The following ATP13A1 variants were observed in gnomAD, a reference collection of about 807,000 sequenced individuals.
ATP13A1 encodes the protein endoplasmic reticulum transmembrane helix translocase.
ATP13A1 carries 55 observed loss-of-function variants against 134.8 expected under a neutral mutation model. That is an observed-to-expected ratio of 0.41 (90% CI 0.33 to 0.51). The LOEUF (loss-of-function observed/expected upper bound fraction) is 0.51. ATP13A1 is among the 20% of genes least tolerant of loss of function. The probability of loss-of-function intolerance (pLI) is 0.29; values close to 1 mark genes in which losing one functional copy is unlikely to be tolerated. For synonymous variants in ATP13A1, 775 were observed against 725.1 expected (o/e 1.07, Z -1.10); for missense variants, 1,389 against 1,652.8 (o/e 0.84, Z 2.77).
intron 4 of ATP13A1, 76 bp from the exon 5 acceptor site, chr19:19,657,225 T>TA: frequency 6.1e-6 from 9 of 1,485,692 alleles, no homozygotes; most frequent in Non-Finnish European, 8.1e-6. Flanking sequence ...CCGGATCTGA[T>TA]ATGTGAGGGT....
rs1229983692 is a variant in ATP13A1 at position 19,656,681 on chromosome 19, C to T, written c.1062G>A (p.Gly354=). The stretch of plus-strand genomic sequence containing the variant: ...GTACCTTCATCTGTGGCACGGACTC[C>T]CCCGTGAGCATGGCCTCGTCTACGA... ...RCIVDEAMLT[G]ESVPQMKEPI... is the part of the protein sequence containing the mutation. The change falls in exon 7 of 26, where the codon GGG becomes GGA. Residue 354 remains glycine, a synonymous_variant. Coordinates refer to ENST00000357324, the MANE Select transcript of ATP13A1 (RefSeq NM_020410.3). The surrounding 1 kb of genome is among the most constrained non-coding windows in gnomAD (Gnocchi z 4.6). The T allele has an allele frequency of 3.7e-6, 6 of 1,613,712 alleles. No individual in the cohort carries two copies. Among genetic ancestry groups the T allele is most frequent in the South Asian group, 3.3e-5 (3 of 91,052 alleles).
intron 23 of ATP13A1, 41 bp from the exon 24 acceptor site, chr19:19,646,026 C>A: frequency 6.2e-7 from 1 of 1,605,278 alleles, no homozygotes. Context: ...TCTCCTGCTC[C>A]GGCTCACACA....
intron 1 of ATP13A1, chr19:19,663,061 A>C: frequency 2.6e-6 from 2 of 772,450 alleles, no homozygotes; most frequent in Non-Finnish European, 4.6e-6. Context: ...AGGACTTCAG[A>C]AAAAGGAAAT....
chr19:19,647,831 A>G lies in ATP13A1; in HGVS notation c.2633-72T>C. The G allele has an allele frequency of 6.7e-7, 1 of 1,496,250 alleles. No individual in the cohort carries two copies. The highest frequency in any genetic ancestry group is 1.4e-5 in the African/African-American group (1 of 72,614). 92.7% of individuals were successfully genotyped at this position (1,496,250 alleles called of 1,614,324 possible). ...GGGGAAGATTGCTGGCTTCAGAGCCACTGGTCCTGAAGTCCCCCAGCTGGC... is the reference window on the plus strand; with the variant it reads ...GGGGAAGATTGCTGGCTTCAGAGCCGCTGGTCCTGAAGTCCCCCAGCTGGC... On this transcript the variant is annotated intron_variant, in intron 19 of 25. Transcript: ENST00000357324. This position sits in a 1 kb window ranked among gnomAD's most constrained non-coding sequence, Gnocchi z 4.8.
At position 19,647,172 on chromosome 19, in the gene ATP13A1, C is replaced by T. The variant is rs1383411609; in HGVS notation, c.3062G>A (p.Gly1021Glu). The T allele has an allele frequency of 6.2e-7, 1 of 1,613,736 alleles. No homozygotes were observed. The highest frequency in any genetic ancestry group is 8.5e-7 in the Non-Finnish European group (1 of 1,179,750). Residue 1021 changes from glycine to glutamate, a missense_variant, in exon 22 of 26, where the codon GGG (glycine) becomes GAG (glutamate). This residue lies in a region of ATP13A1 where 228 missense variants were observed against 321.0 expected (regional missense o/e 0.71). Transcript: ENST00000357324. The surrounding 1 kb of genome is among the most constrained non-coding windows in gnomAD (Gnocchi z 4.8). ...KFSDFQATLQ[G>E]LLLAGCFLFI... ...GAGGAAGCAGCCGGCCAGCAGCAGC[C>T]CCTGTAGGGTGGCCTGGAAGTCACT... is the stretch of plus-strand genomic sequence containing the variant.
chr19:19,646,600 A>G, intron 22 of ATP13A1: 1 of 547,988 alleles, frequency 1.8e-6, no homozygotes, highest in Non-Finnish European at 3.3e-6. Context: ...CCTGAGAATC[A>G]TGAAGCAGAT....
rs952959332 is a variant in ATP13A1, at chr19:19,656,320, C to G, written c.1084-137G>C. On this transcript the variant is annotated intron_variant, in intron 7 of 25. Coordinates refer to ENST00000357324, the MANE Select transcript of ATP13A1 (RefSeq NM_020410.3). This position sits in a 1 kb window ranked among gnomAD's most constrained non-coding sequence, Gnocchi z 4.6. ...CCGACCAATACATCCCACCCAGCTCCCAGATCCTCACCCTCACCCCGTCCT... is the reference window on the plus strand; with the variant it reads ...CCGACCAATACATCCCACCCAGCTCGCAGATCCTCACCCTCACCCCGTCCT... 1 of 1,239,328 alleles carries G rather than the reference C, an allele frequency of 8.1e-7. No homozygotes were observed. The highest frequency in any genetic ancestry group is 1.1e-6 in the Non-Finnish European group (1 of 900,276). 76.8% of individuals were successfully genotyped at this position (1,239,328 alleles called of 1,614,324 possible).
rs758748583 is a variant in ATP13A1 at position 19,655,259 on chromosome 19, CA to C, written c.1535-21del. 2.5e-6 allele frequency: 4 copies of C among 1,613,930 alleles called. No homozygotes were observed. In the South Asian group the frequency reaches 3.3e-5, roughly 13 times the overall value. On this transcript the variant is annotated intron_variant, in intron 11 of 25. Transcript: ENST00000357324. The surrounding 1 kb of genome is among the most constrained non-coding windows in gnomAD (Gnocchi z 5.7). ...ACATGTCTAGGGGCGGGAGTGAGGT[CA>C]GGGGTCCTGCTTGGCCCCAGCCCAC...
chr19:19,646,873 C>T (rs867616), intron 22 of ATP13A1: 83,906 of 534,738 alleles, frequency 0.16, 7,541 homozygotes, highest in Middle Eastern at 0.3. Context: ...TTGTTCCTTG[C>T]TTGTGGGGCT....
In ATP13A1 at chr19:19,649,569, A is replaced by G; in HGVS notation, c.2630T>C (p.Val877Ala). ...NDVGALKHADVGVALLANAPE... is the reference protein window; with the variant it reads ...NDVGALKHADAGVALLANAPE... Reference sequence around the variant, plus strand: ...ATACCCTAGCCCACAGCACTCACCCACGTCAGCATGCTTCAGGGCGCCCAC... The same window carrying G: ...ATACCCTAGCCCACAGCACTCACCCGCGTCAGCATGCTTCAGGGCGCCCAC... Residue 877 changes from valine (V) to alanine (A), a missense_variant and splice_region_variant, in exon 19 of 26, where the codon GTG becomes GCG. This residue lies in a region of ATP13A1 where 747 missense variants were observed against 956.1 expected (regional missense o/e 0.78). Coordinates refer to ENST00000357324, the MANE Select transcript of ATP13A1 (RefSeq NM_020410.3). 1 of 1,613,286 alleles carries G rather than the reference A, an allele frequency of 6.2e-7. No individual in the cohort carries two copies. Among genetic ancestry groups the G allele is most frequent in the Non-Finnish European group, 8.5e-7 (1 of 1,179,600 alleles).
Position 19,663,486 on chromosome 19 carries a change from G to C in ATP13A1, c.181C>G (p.Leu61Val). The C allele has an allele frequency of 6.5e-7, 1 of 1,535,146 alleles. No individual in the cohort carries two copies. The highest frequency in any genetic ancestry group is 1.2e-5 in the South Asian group (1 of 83,982). ...GGCAGCACCGTGAGGCGCCGCAACA[G>C]CGCCAACCGCCGGTACGGCCACACG... is the stretch of plus-strand genomic sequence containing the variant. ...AAVWPYRRLA[L>V]LRRLTVLPFA... The change falls in exon 1 of 26, where the codon CTG (leucine) becomes GTG (valine). Residue 61 changes from leucine (L) to valine (V), a missense_variant. Leu to Val is a conservative substitution (Grantham distance 32). Transcript: ENST00000357324.
intron 22 of ATP13A1, chr19:19,646,571 C>T: frequency 1.7e-6 from 1 of 591,060 alleles, no homozygotes; most frequent in Non-Finnish European, 3.0e-6. Context: ...ATCCAGGCTC[C>T]CCATGGCAGC....
At position 19,647,430 on chromosome 19, in the gene ATP13A1, G is replaced by A. The variant is rs2061993352; in HGVS notation, c.2892C>T (p.Leu964=). 5.6e-6 allele frequency: 9 copies of A among 1,613,326 alleles called. No homozygotes were observed. The highest frequency in any genetic ancestry group is 1.6e-4 in the Middle Eastern group (1 of 6,080). ...GCAACTCACTGCACTGGATGGATGA[G>A]AGCTTGGAGGTGAAGGGTGCTGCGA... is the stretch of plus-strand genomic sequence containing the variant. ...ASIAAPFTSK[L]SSIQCICHVI... The change falls in exon 21 of 26, where the codon CTC becomes CTT. Residue 964 remains leucine, a synonymous_variant. Transcript: ENST00000357324. This position sits in a 1 kb window ranked among gnomAD's most constrained non-coding sequence, Gnocchi z 4.8.
intron 13 of ATP13A1, 146 bp downstream of exon 13, chr19:19,654,397 A>G: frequency 1.8e-6 from 2 of 1,128,504 alleles, no homozygotes; most frequent in Non-Finnish European, 2.4e-6. Context: ...CTGGGTCTAA[A>G]GTGAGCCTCT....
At position 19,657,020 on chromosome 19, in the gene ATP13A1, T is replaced by C. The variant is rs764518258; in HGVS notation, c.880A>G (p.Met294Val). 15 of 1,581,998 alleles carry C rather than the reference T, an allele frequency of 9.5e-6. No individual in the cohort carries two copies. Among genetic ancestry groups the C allele is most frequent in the Non-Finnish European group, 1.3e-5 (15 of 1,163,958 alleles). ...QMRNMSEIRK[M>V]GNKPHMIQVY... ...TGGATCATGTGGGGCTTGTTGCCCA[T>C]CTTCCGGATCTCCGACATGTTCCGC... The change falls in exon 5 of 26, where the codon ATG becomes GTG. Residue 294 changes from methionine to valine, a missense_variant. Transcript: ENST00000357324.
Position 19,656,319 on chromosome 19 carries a change from C to T in ATP13A1, c.1084-136G>A, listed in dbSNP as rs1027305857. The stretch of plus-strand genomic sequence containing the variant: ...CCCGACCAATACATCCCACCCAGCT[C>T]CCAGATCCTCACCCTCACCCCGTCC... On this transcript the variant is annotated intron_variant, in intron 7 of 25. Transcript: ENST00000357324. This position sits in a 1 kb window ranked among gnomAD's most constrained non-coding sequence, Gnocchi z 4.6. 8.1e-7 allele frequency: 1 copy of T among 1,234,864 alleles called. No homozygotes were observed. Among genetic ancestry groups the T allele is most frequent in the Non-Finnish European group, 1.1e-6 (1 of 896,380 alleles). The allele number at this position is 1,234,864 out of a possible 1,614,324, so 76.5% of individuals were successfully genotyped here.
At position 19,655,923 on chromosome 19, in the gene ATP13A1, G is replaced by A. The variant is rs777705280; in HGVS notation, c.1224C>T (p.Ser408=). The A allele has an allele frequency of 1.0e-5, 16 of 1,600,504 alleles. No individual in the cohort carries two copies. The highest frequency in any genetic ancestry group is 2.2e-5 in the South Asian group (2 of 89,842). Reference sequence around the variant, plus strand: ...TCCGCAGGACGTAGGCCACGCACCCGCTGTCAACCGCTGGGGAGAGAAGCA... The same window carrying A: ...TCCGCAGGACGTAGGCCACGCACCCACTGTCAACCGCTGGGGAGAGAAGCA... ...KATTGLKPVD[S]GCVAYVLRTG... The change falls in exon 9 of 26, where the codon AGC becomes AGT. Residue 408 remains serine, a synonymous_variant. Transcript: ENST00000357324. The surrounding 1 kb of genome is among the most constrained non-coding windows in gnomAD (Gnocchi z 5.7).
chr19:19,656,011 G>A lies in ATP13A1; in HGVS notation c.1213+43C>T, dbSNP rs778963394. The stretch of plus-strand genomic sequence containing the variant: ...TCATGATCAAGCAGACGGGCAAAGG[G>A]GGTGGAAGCCCAGATACCCCCAGAC... On this transcript the variant is annotated intron_variant, in intron 8 of 25. Coordinates refer to ENST00000357324, the MANE Select transcript of ATP13A1 (RefSeq NM_020410.3). The surrounding 1 kb of genome is among the most constrained non-coding windows in gnomAD (Gnocchi z 4.6). 1.2e-6 allele frequency: 2 copies of A among 1,612,816 alleles called. No homozygotes were observed. The highest frequency in any genetic ancestry group is 3.3e-5 in the Admixed American group (2 of 59,948).
Position 19,655,391 on chromosome 19 carries a change from A to C in ATP13A1, c.1459T>G (p.Ser487Ala), listed in dbSNP as rs1449829213. Residue 487 changes from serine to alanine, a missense_variant, in exon 11 of 26, where the codon TCG (serine) becomes GCG (alanine). Ser to Ala is a moderately conservative substitution (Grantham distance 99). Coordinates refer to ENST00000357324, the MANE Select transcript of ATP13A1 (RefSeq NM_020410.3). The surrounding 1 kb of genome is among the most constrained non-coding windows in gnomAD (Gnocchi z 5.7). ...LFLECTLILT[S>A]VVPPELPIEL... ...ATGGGCAGCTCAGGAGGCACGACCG[A>C]GGTGAGGATCAGGGTGCACTCCAGA... 6.2e-7 allele frequency: 1 copy of C among 1,613,780 alleles called. No homozygotes were observed.
Sources: allele counts gnomAD v4.1 joint callset, GRCh38; gene constraint gnomAD v4.1.1; regional missense constraint gnomAD v4.1.1; non-coding constraint Gnocchi (gnomAD v3.1); transcripts MANE v1.5; gene names NCBI Gene and HGNC (gene_info 2026-07-23, HGNC 2026-07-21).